CD163L1: variants seen among roughly 807,000 people sequenced by gnomAD.
CD163L1 encodes scavenger receptor cysteine-rich type 1 protein M160.
Under a neutral mutation model 165.4 loss-of-function variants are expected in CD163L1, and 124 were observed. That is an observed-to-expected ratio of 0.75 (90% CI 0.65 to 0.87). The LOEUF (loss-of-function observed/expected upper bound fraction) is 0.87, where lower values mean the gene tolerates loss of function less well. CD163L1 is among the 40% of genes least tolerant of loss of function. CD163L1 has a pLI of 0.00. For synonymous variants in CD163L1, 585 were observed against 662.2 expected (o/e 0.88, Z 1.79); for missense variants, 1,525 against 1,799.9 (o/e 0.85, Z 2.76).
intron 1 of CD163L1, among the ~76,000 whole-genome samples, chr12:7,443,322 A>G (rs1319513785): frequency 1.3e-5 from 2 of 152,194 alleles, no homozygotes; most frequent in African/African-American, 2.4e-5. Context: ...GTAGCACTGC[A>G]TTTTCAAAAG....
At chr12:7,371,748 AT>A (rs1199877100) in intron 14 of CD163L1, among the ~76,000 whole-genome samples, 1 of 152,068 alleles carries the variant, frequency 6.6e-6, no homozygotes, top group Non-Finnish European at 1.5e-5. Context: ...AATGACAGGG[AT>A]TTGGTGCATA....
At position 7,432,332 on chromosome 12, in the gene CD163L1, G is replaced by C; in HGVS notation, c.766+84C>G. 9.5e-7 allele frequency: 1 copy of C among 1,052,870 alleles called. No individual in the cohort carries two copies. The highest frequency in any genetic ancestry group is 1.4e-6 in the Non-Finnish European group (1 of 724,144). The allele number at this position is 1,052,870 out of a possible 1,614,324, so 65.2% of individuals were successfully genotyped here. ...TATAACCAGAGAAAATTCTTCTCCA[G>C]AGAATGATTGACCTTTTTCTTTCCA... On this transcript the variant is annotated intron_variant, in intron 4 of 19. Transcript: ENST00000313599. The surrounding 1 kb of genome is among the most constrained non-coding windows in gnomAD (Gnocchi z 4.2).
At chr12:7,397,715 C>T (rs1465980349) in intron 7 of CD163L1, among the ~76,000 whole-genome samples, 1 of 152,146 alleles carries the variant, frequency 6.6e-6, no homozygotes, top group Non-Finnish European at 1.5e-5. Flanking sequence ...GACTCAAGTC[C>T]CAGCAGGCTC....
chr12:7,356,677 C>T (rs1215286182), intron 19 of CD163L1, among the ~76,000 whole-genome samples: 1 of 152,136 alleles, frequency 6.6e-6, no homozygotes. Context: ...CCTTTGACTT[C>T]ATTGAGTTCA....
At chr12:7,415,787 G>T (rs957952714) in intron 4 of CD163L1, among the ~76,000 whole-genome samples, 1 of 152,128 alleles carries the variant, frequency 6.6e-6, no homozygotes, top group African/African-American at 2.4e-5. Context: ...AGTATTCCAT[G>T]GTGTATACGT....
rs143956577 is a variant in CD163L1 at position 7,406,595 on chromosome 12, T to A, written c.1024A>T (p.Arg342Ter). The change falls in exon 5 of 20, where the codon AGA becomes TGA. Residue 342 changes from arginine to a stop codon, truncating the protein, a stop_gained. Coordinates refer to ENST00000313599, the MANE Select transcript of CD163L1 (RefSeq NM_174941.6). LOFTEE classifies it high-confidence loss of function. ...TCAAAATTGACGGTTCCGGAATGTC[T>A]GCAGTCCCAAAGAAAAGATTCATTA... ...SGNESFLWDC[R>*]HSGTVNFDCL... 3 of 1,613,978 alleles carry A rather than the reference T, an allele frequency of 1.9e-6. No individual in the cohort carries two copies. The African/African-American group carries it at 4.0e-5, about 22-fold the overall frequency.
Position 7,398,650 on chromosome 12 carries a change from ACT to A in CD163L1, c.1409-68_1409-67del, listed in dbSNP as rs1438938638. 1.0e-5 allele frequency: 14 copies of A among 1,375,074 alleles called. No individual in the cohort carries two copies. In the East Asian group the frequency reaches 1.2e-4, roughly 11 times the overall value. The allele number at this position is 1,375,074 out of a possible 1,614,324, so 85.2% of individuals were successfully genotyped here. ...AGAGTCTTTTCAGAAGACTGAAAAG[ACT>A]CTCTAAATTCACGACTATAAGGCTT... On this transcript the variant is annotated intron_variant, in intron 6 of 19. Coordinates refer to ENST00000313599, the MANE Select transcript of CD163L1 (RefSeq NM_174941.6). The surrounding 1 kb of genome is among the most constrained non-coding windows in gnomAD (Gnocchi z 4.5).
At chr12:7,329,746 T>C in the CD163L1 span, among the ~76,000 whole-genome samples, 1 of 152,148 alleles carries the variant, frequency 6.6e-6, no homozygotes, top group African/African-American at 2.4e-5. Context: ...AAATAAATAG[T>C]TGATAAACCT....
intron 6 of CD163L1, among the ~76,000 whole-genome samples, chr12:7,399,425 C>T (rs1947860286): frequency 1.3e-4 from 1 of 7,852 alleles, no homozygotes; most frequent in Non-Finnish European, 3.1e-4. Flanking sequence ...CTTCCCCTCC[C>T]CCATTCTTCT....
chr12:7,409,493 C>G lies in CD163L1; in HGVS notation c.767-2641G>C, dbSNP rs773082895. On this transcript the variant is annotated intron_variant, in intron 4 of 19. Transcript: ENST00000313599. ...TAGATTCTCATAGGGAGTGAGCAAC[C>G]TAGATCCCCCAAATGCACAGTTCAC... 2.1e-4 allele frequency among the ~76,000 whole-genome samples: 32 copies of G among 152,232 alleles called. 1 individual carries two copies. The South Asian group carries it at 6.6e-3, about 32-fold the overall frequency.
rs1284684207 is a variant in CD163L1, at chr12:7,375,757, C to A, written c.2629G>T (p.Val877Phe). The A allele has an allele frequency of 6.2e-7, 1 of 1,614,230 alleles. No homozygotes were observed. Among genetic ancestry groups the A allele is most frequent in the Non-Finnish European group, 8.5e-7 (1 of 1,180,038 alleles). ...SETHLALCPI[V>F]QHPEDTCIHS... is the part of the protein sequence containing the mutation. Reference sequence around the variant, plus strand: ...ATACAAGTGTCTTCCGGATGTTGAACAATGGGGCATAATGCAAGGTGAGTT... The same window carrying A: ...ATACAAGTGTCTTCCGGATGTTGAAAAATGGGGCATAATGCAAGGTGAGTT... The change falls in exon 10 of 20, where the codon GTT (valine) becomes TTT (phenylalanine). Residue 877 changes from valine to phenylalanine, a missense_variant. Transcript: ENST00000313599.
intron 4 of CD163L1, among the ~76,000 whole-genome samples, chr12:7,407,256 C>A (rs1029981410): frequency 2.6e-5 from 4 of 152,128 alleles, no homozygotes; most frequent in African/African-American, 9.7e-5. Flanking sequence ...AATAAGATAT[C>A]ATTGTCATCA....
chr12:7,357,504 T>A lies in CD163L1; in HGVS notation c.4280-18A>T. On this transcript the variant is annotated intron_variant, in intron 18 of 19. Coordinates refer to ENST00000313599, the MANE Select transcript of CD163L1 (RefSeq NM_174941.6). The stretch of plus-strand genomic sequence containing the variant: ...GGTGTCATCTGAAAGAAAGGCAAAA[T>A]CTGTATTATTGAATAGTAGAAAACC... The A allele has an allele frequency of 6.2e-7, 1 of 1,608,734 alleles. No homozygotes were observed. Among genetic ancestry groups the A allele is most frequent in the Non-Finnish European group, 8.5e-7 (1 of 1,175,748 alleles).
At chr12:7,422,262 T>C (rs2136599181) in intron 4 of CD163L1, among the ~76,000 whole-genome samples, 1 of 152,026 alleles carries the variant, frequency 6.6e-6, no homozygotes, top group South Asian at 2.1e-4. Context: ...CAAAAGAATG[T>C]CCACACAGAA....
intron 4 of CD163L1, among the ~76,000 whole-genome samples, chr12:7,421,374 TAC>T (rs1686141257): frequency 9.0e-6 from 1 of 111,728 alleles, no homozygotes; most frequent in African/African-American, 3.5e-5. Flanking sequence ...TATGTATATA[TAC>T]ATTTGGAAGA....
chr12:7,424,496 G>A (rs1364118820), intron 4 of CD163L1, among the ~76,000 whole-genome samples: 2 of 152,224 alleles, frequency 1.3e-5, no homozygotes, highest in East Asian at 3.9e-4. Flanking sequence ...GGGCAATCAG[G>A]CAAGAGAAAG....
At chr12:7,390,729 AT>A (rs1947637154) in intron 8 of CD163L1, among the ~76,000 whole-genome samples, 1 of 152,220 alleles carries the variant, frequency 6.6e-6, no homozygotes, top group South Asian at 2.1e-4. Context: ...TTAATATCTT[AT>A]TCATTCATCT....
the CD163L1 span, among the ~76,000 whole-genome samples, chr12:7,320,963 A>G: frequency 6.6e-6 from 1 of 152,188 alleles, no homozygotes; most frequent in African/African-American, 2.4e-5. Context: ...GGTCGTATGC[A>G]TTACAGAATG....
At position 7,374,456 on chromosome 12, in the gene CD163L1, C is replaced by CAG; in HGVS notation, c.3394_3395insCT (p.Gly1132AlafsTer11). On this transcript the variant is annotated frameshift_variant, in exon 13 of 20. Transcript: ENST00000313599. LOFTEE classifies it high-confidence loss of function. The surrounding 1 kb of genome is among the most constrained non-coding windows in gnomAD (Gnocchi z 5.4). ...GCAGCACAGACCTGAGCAGATGACC[C>CAG]CTGCGTCCTCCTTGTGCCTGCAGTC... The CAG allele has an allele frequency of 6.2e-7, 1 of 1,612,376 alleles. No homozygotes were observed. Among genetic ancestry groups the CAG allele is most frequent in the East Asian group, 2.2e-5 (1 of 44,874 alleles).
Sources: allele counts gnomAD v4.1 joint callset (sites outside exome capture counted in the v4.1 genomes callset), GRCh38; gene constraint gnomAD v4.1.1; non-coding constraint Gnocchi (gnomAD v3.1); transcripts MANE v1.5; gene names NCBI Gene and HGNC (gene_info 2026-07-23, HGNC 2026-07-21).